The following KRT7 variants were observed in gnomAD, a reference collection of about 807,000 sequenced individuals.
The protein encoded by KRT7 is keratin, type II cytoskeletal 7.
In KRT7, 50 loss-of-function variants were observed where a neutral mutation model predicts 42.8. The ratio of observed to expected loss-of-function variants is 1.17; its 90% CI spans 0.93 to 1.48. The LOEUF is 1.48. KRT7 is among the 40% of genes most tolerant of loss of function. The pLI is 0.00. For missense variants in KRT7, 588 were observed against 637.6 expected, an observed-to-expected ratio of 0.92 and a Z score of 0.84; for synonymous variants, 268 against 266.3, an observed-to-expected ratio of 1.01 and a Z score of -0.06.
chr12:52,248,122 G>A (rs374336222), intron 7 of KRT7, 55 bp from the exon 8 acceptor site: 15 of 1,536,514 alleles, frequency 9.8e-6, no homozygotes, highest in South Asian at 3.4e-5. Context: ...GGCTGAGAGC[G>A]CTTCCCTCCC....
chr12:52,244,986 C>A, intron 6 of KRT7: 1 of 196,454 alleles, frequency 5.1e-6, no homozygotes, highest in Non-Finnish European at 1.0e-5. Flanking sequence ...CTTCGAGCTC[C>A]TGCAGCTGGG....
chr12:52,244,910 T>A (rs1259554141), intron 6 of KRT7: 1 of 168,952 alleles, frequency 5.9e-6, no homozygotes, highest in Non-Finnish European at 1.2e-5. Context: ...TGGTTCCTAT[T>A]TTATAGGTGG....
intron 8 of KRT7, 74 bp from the exon 9 acceptor site, chr12:52,248,516 TG>T (rs1942212198): frequency 2.2e-6 from 3 of 1,393,526 alleles, no homozygotes; most frequent in Non-Finnish European, 9.8e-7. Flanking sequence ...GGCAGGAGGG[TG>T]GGGTGCAGTG....
chr12:52,242,253 G>A (rs562668077), intron 5 of KRT7, among the ~76,000 whole-genome samples: 6 of 152,290 alleles, frequency 3.9e-5, no homozygotes, highest in South Asian at 2.1e-4. Context: ...GATTATAGGC[G>A]TGAGACACCG....
At position 52,235,312 on chromosome 12, in the gene KRT7, G is replaced by A. The variant is rs759845837; in HGVS notation, c.482G>A (p.Arg161His). ...GAGGCACTGCAGGTGGATGGGGGCC[G>A]CCTGGAGGCGGAGCTGCGGAGCATG... ...QLEALQVDGG[R>H]LEAELRSMQD... The change falls in exon 2 of 9, where the codon CGC becomes CAC. Residue 161 changes from arginine (R) to histidine (H), a missense_variant. Physicochemically the swap from Arg to His is conservative, Grantham distance 29. Transcript: ENST00000331817. 12 of 1,613,816 alleles carry A rather than the reference G, an allele frequency of 7.4e-6. No homozygotes were observed. The highest frequency in any genetic ancestry group is 2.7e-5 in the African/African-American group (2 of 74,936).
chr12:52,255,426 A>G, downstream of KRT7: 1 of 456,730 alleles, frequency 2.2e-6, no homozygotes, highest in Admixed American at 2.3e-5. Flanking sequence ...GACAAAACAC[A>G]CAAGGCTCAG....
At chr12:52,255,439 C>G (rs1361512995), downstream of KRT7, 1 of 456,616 alleles carries the variant, frequency 2.2e-6, no homozygotes, top group Admixed American at 2.3e-5. Context: ...AGGCTCAGAT[C>G]TGGGGAGGAA....
Position 52,233,523 on chromosome 12 carries a change from T to A in KRT7, c.227T>A (p.Leu76Gln). Residue 76 changes from leucine to glutamine, a missense_variant, in exon 1 of 9, where the codon CTG (leucine) becomes CAG (glutamine). Leu to Gln is a moderately radical substitution (Grantham distance 113, BLOSUM62 -2). Transcript: ENST00000331817. ...ATTAACCAGAGCCTGCTGGCCCCGCTGCGGCTGGACGCCGACCCCTCCCTC... is the reference window on the plus strand; with the variant it reads ...ATTAACCAGAGCCTGCTGGCCCCGCAGCGGCTGGACGCCGACCCCTCCCTC... ...VTINQSLLAP[L>Q]RLDADPSLQR... The A allele has an allele frequency of 1.2e-6, 2 of 1,613,008 alleles. No homozygotes were observed. Among genetic ancestry groups the A allele is most frequent in the Non-Finnish European group, 1.7e-6 (2 of 1,179,776 alleles).
chr12:52,240,813 G>GT (rs1374268879), intron 4 of KRT7, among the ~76,000 whole-genome samples: 2 of 151,984 alleles, frequency 1.3e-5, no homozygotes, highest in Non-Finnish European at 2.9e-5. Context: ...TAGGGTACAT[G>GT]TGCACAACGT....
At chr12:52,239,487 C>T (rs897588438) in intron 4 of KRT7, among the ~76,000 whole-genome samples, 2 of 152,144 alleles carry the variant, frequency 1.3e-5, no homozygotes, top group Non-Finnish European at 2.9e-5. Context: ...GAGGATTTAT[C>T]CTGCCCTTTA....
At chr12:52,251,243 G>T (rs773528657), downstream of KRT7, among the ~76,000 whole-genome samples, 3 of 152,152 alleles carry the variant, frequency 2.0e-5, no homozygotes, top group Admixed American at 6.5e-5. Context: ...GCCTCCCAAA[G>T]TGCTGGGATT....
Position 52,233,415 on chromosome 12 carries a change from A to G in KRT7, c.119A>G (p.Tyr40Cys), listed in dbSNP as rs776269362. 6.4e-7 allele frequency: 1 copy of G among 1,561,714 alleles called. No homozygotes were observed. The highest frequency in any genetic ancestry group is 1.4e-5 in the African/African-American group (1 of 69,934). ...RPGGLGSSSL[Y>C]GLGASRPRVA... is the part of the protein sequence containing the mutation. ...GGCGGCCTTGGCAGCAGCAGCCTCT[A>G]CGGCCTCGGCGCCTCACGGCCGCGC... The change falls in exon 1 of 9, where the codon TAC becomes TGC. Residue 40 changes from tyrosine to cysteine, a missense_variant. Transcript: ENST00000331817.
chr12:52,254,862 G>T (rs7138737), downstream of KRT7, among the ~76,000 whole-genome samples: 523 of 152,306 alleles, frequency 3.4e-3, 2 homozygotes, highest in African/African-American at 0.012. Context: ...ATATGGAGGT[G>T]GCTGGAAGGG....
chr12:52,248,651 G>T lies in KRT7; in HGVS notation c.1301G>T (p.Gly434Val). Residue 434 changes from glycine (G) to valine (V), a missense_variant, in exon 9 of 9, where the codon GGA becomes GTA. Coordinates refer to ENST00000331817, the MANE Select transcript of KRT7 (RefSeq NM_005556.4). ...SGGGIGLTLG[G>V]TMGSNALSFS... ...GGTGGCATTGGGCTGACCCTCGGGG[G>T]AACCATGGGCAGCAATGCCCTGAGC... 1.2e-6 allele frequency: 2 copies of T among 1,612,576 alleles called. No homozygotes were observed. The highest frequency in any genetic ancestry group is 1.7e-6 in the Non-Finnish European group (2 of 1,179,182).
intron 8 of KRT7, 59 bp from the exon 9 acceptor site, chr12:52,248,532 G>C (rs1013426398): frequency 4.0e-6 from 6 of 1,489,584 alleles, no homozygotes; most frequent in Non-Finnish European, 5.5e-6. Flanking sequence ...GCAGTGAAGG[G>C]ATGGGGTCCC....
At chr12:52,253,340 T>G, downstream of KRT7, 1 of 1,612,722 alleles carries the variant, frequency 6.2e-7, no homozygotes, top group Non-Finnish European at 8.5e-7. Flanking sequence ...CTCCTCACAC[T>G]GGGGAAGTAG....
downstream of KRT7, chr12:52,252,416 G>A: frequency 1.2e-6 from 2 of 1,614,152 alleles, no homozygotes; most frequent in Non-Finnish European, 1.7e-6. Flanking sequence ...GCTTGCAGCG[G>A]GCATCACTGA....
Position 52,245,618 on chromosome 12 carries a change from G to T in KRT7, c.1191G>T (p.Glu397Asp), listed in dbSNP as rs1392780987. The T allele has an allele frequency of 6.2e-7, 1 of 1,613,680 alleles. No homozygotes were observed. The highest frequency in any genetic ancestry group is 8.5e-7 in the Non-Finnish European group (1 of 1,180,044). The change falls in exon 7 of 9, where the codon GAG (glutamate) becomes GAT (aspartate). Residue 397 changes from glutamate to aspartate, a missense_variant. Coordinates refer to ENST00000331817, the MANE Select transcript of KRT7 (RefSeq NM_005556.4). ...TCGCCACCTACCGCAAGCTGCTGGA[G>T]GGCGAGGAGAGCCGGTGAGGACAAG... The part of the protein sequence containing the change: ...IEIATYRKLL[E>D]GEESRLAGDG...
downstream of KRT7, among the ~76,000 whole-genome samples, chr12:52,254,840 C>A (rs7138517): frequency 1.3e-5 from 2 of 152,072 alleles, no homozygotes; most frequent in Non-Finnish European, 2.9e-5. Context: ...CACAATAACC[C>A]CTGCTTTCCT....
Sources: allele counts gnomAD v4.1 joint callset (sites outside exome capture counted in the v4.1 genomes callset), GRCh38; gene constraint gnomAD v4.1.1; transcripts MANE v1.5; gene names NCBI Gene and HGNC (gene_info 2026-07-23, HGNC 2026-07-21).